PACS1: variants seen among roughly 807,000 people sequenced by gnomAD.
PACS1 encodes PACS-1.
A neutral mutation model predicts 115.0 loss-of-function variants in PACS1; 24 were observed. The ratio of observed to expected loss-of-function variants is 0.21; its 90% CI spans 0.15 to 0.29. PACS1 has a LOEUF of 0.29. Ranked by LOEUF, PACS1 falls within the 10% of genes least tolerant of loss-of-function variation. PACS1 has a pLI of 1.00. For synonymous variants in PACS1, 453 were observed against 504.5 expected, an observed-to-expected ratio of 0.90 and a Z score of 1.37; for missense variants, 838 against 1,251.2, an observed-to-expected ratio of 0.67 and a Z score of 4.98.
At chr11:66,200,975 C>G (rs1186014321) in intron 2 of PACS1, among the ~76,000 whole-genome samples, 2 of 151,402 alleles carry the variant, frequency 1.3e-5, no homozygotes, top group Non-Finnish European at 2.9e-5. Flanking sequence ...AATCCCAGCA[C>G]TTTGGGAGGC....
In PACS1 at chr11:66,100,525, G is replaced by A. The variant is rs367894905; in HGVS notation, c.356+29683G>A. Among the ~76,000 whole-genome samples, 321 of 152,286 alleles carry A rather than the reference G, an allele frequency of 2.1e-3. 2 individuals carry two copies. Among genetic ancestry groups the A allele is most frequent in the South Asian group, 0.02 (98 of 4,826 alleles). On this transcript the variant is annotated intron_variant, in intron 1 of 23. Coordinates refer to ENST00000320580, the MANE Select transcript of PACS1 (RefSeq NM_018026.4). ...TCATAAGACAATAGAGGTGGAAAGC[G>A]AGAAGCCGATTTACTCTGCAAAATC... is the stretch of plus-strand genomic sequence containing the variant.
intron 1 of PACS1, among the ~76,000 whole-genome samples, chr11:66,186,748 C>T (rs930232663): frequency 1.3e-5 from 2 of 152,162 alleles, no homozygotes; most frequent in African/African-American, 4.8e-5. Context: ...GACTCTACAG[C>T]CTTCATTCAG....
intron 1 of PACS1, among the ~76,000 whole-genome samples, chr11:66,155,899 C>T (rs1859340609): frequency 6.6e-6 from 1 of 151,930 alleles, no homozygotes; most frequent in Non-Finnish European, 1.5e-5. Context: ...AAAAGGAGCT[C>T]TAGACAGCAT....
chr11:66,211,003 T>C, intron 3 of PACS1, 131 bp from the exon 4 acceptor site: 1 of 1,062,154 alleles, frequency 9.4e-7, no homozygotes, highest in Non-Finnish European at 1.4e-6. Context: ...TTCATGGCTC[T>C]CCTTTCAACC....
intron 1 of PACS1, among the ~76,000 whole-genome samples, chr11:66,108,115 A>G (rs988234469): frequency 2.6e-5 from 4 of 152,250 alleles, no homozygotes; most frequent in Non-Finnish European, 5.9e-5. Flanking sequence ...ATAACAAAAT[A>G]CCATAGAATG....
Position 66,233,204 on chromosome 11 carries a change from G to C in PACS1, c.1838+138G>C, listed in dbSNP as rs991622460. 1.1e-5 allele frequency: 7 copies of C among 633,166 alleles called. No homozygotes were observed. Among genetic ancestry groups the C allele is most frequent in the Non-Finnish European group, 1.9e-5 (7 of 365,744 alleles). The allele number at this position is 633,166 out of a possible 1,614,324, so 39.2% of individuals were successfully genotyped here. ...TGCAGAGGGGCGTATGTTTAGGGGG[G>C]TGGCGGCAGCAGGCTGTAGGGCTTG... On this transcript the variant is annotated intron_variant, in intron 15 of 23. Transcript: ENST00000320580. The surrounding 1 kb of genome is among the most constrained non-coding windows in gnomAD (Gnocchi z 4.5).
rs35095945 is a variant in PACS1 at position 66,196,384 on chromosome 11, G to A, written c.444+2811G>A. On this transcript the variant is annotated intron_variant, in intron 2 of 23. Coordinates refer to ENST00000320580, the MANE Select transcript of PACS1 (RefSeq NM_018026.4). ...GCACTTCTGCCTTGCAGCAAAGTTC[G>A]ATGTCTGTCTCTAAGACTAGAGCCT... 2.8e-3 allele frequency among the ~76,000 whole-genome samples: 431 copies of A among 152,316 alleles called. 3 individuals are homozygous for A. The highest frequency in any genetic ancestry group is 4.5e-3 in the Admixed American group (69 of 15,294).
chr11:66,193,585 A>C lies in PACS1; in HGVS notation c.444+12A>C. The C allele has an allele frequency of 6.2e-7, 1 of 1,600,240 alleles. No homozygotes were observed. The highest frequency in any genetic ancestry group is 1.1e-5 in the South Asian group (1 of 90,726). On this transcript the variant is annotated intron_variant, in intron 2 of 23. Transcript: ENST00000320580. The stretch of plus-strand genomic sequence containing the variant: ...CTGTGAAGCTGCAGGTGAGTGGGGC[A>C]GGACTGTTTGTTCAGGGCCCAGGGA...
chr11:66,211,051 A>C lies in PACS1; in HGVS notation c.535-83A>C, dbSNP rs113381095. ...TTTTAGAGACAGGAAGAATTGAAGCACAGAAAGACTGTGTGTCCTCCAGAA... is the reference window on the plus strand; with the variant it reads ...TTTTAGAGACAGGAAGAATTGAAGCCCAGAAAGACTGTGTGTCCTCCAGAA... On this transcript the variant is annotated intron_variant, in intron 3 of 23. Transcript: ENST00000320580. The C allele has an allele frequency of 1.2e-4, 180 of 1,484,586 alleles. 3 individuals are homozygous for C. The African/African-American group carries it at 2.1e-3, about 17-fold the overall frequency. The allele number at this position is 1,484,586 out of a possible 1,614,324, so 92.0% of individuals were successfully genotyped here. A position where few individuals can be genotyped will look rare whatever the true frequency, so the allele number is the denominator to read the frequency against.
intron 1 of PACS1, among the ~76,000 whole-genome samples, chr11:66,167,333 C>CTTT (rs762768413): frequency 0.018 from 1,859 of 101,010 alleles, 235 homozygotes; most frequent in African/African-American, 0.066. Flanking sequence ...TTTGGCTTGT[C>CTTT]TTTTTTTTTT....
intron 4 of PACS1, among the ~76,000 whole-genome samples, chr11:66,213,758 G>A (rs1855133316): frequency 1.3e-5 from 2 of 152,228 alleles, no homozygotes; most frequent in Admixed American, 6.5e-5. Flanking sequence ...TGTGGGCTGG[G>A]CGCAGTGGCT....
chr11:66,205,683 G>A lies in PACS1; in HGVS notation c.445-4679G>A, dbSNP rs548017378. Reference sequence around the variant, plus strand: ...ATTTTTTTTTTTTTTTTTTGAGAATGGGATCTCACTATGTTGCCCAGGCAG... The same window carrying A: ...ATTTTTTTTTTTTTTTTTTGAGAATAGGATCTCACTATGTTGCCCAGGCAG... On this transcript the variant is annotated intron_variant, in intron 2 of 23. Transcript: ENST00000320580. Among the ~76,000 whole-genome samples the A allele has an allele frequency of 1.3e-4, 18 of 136,476 alleles. No homozygotes were observed. The East Asian group carries it at 3.8e-3, about 29-fold the overall frequency. 89.5% of individuals were successfully genotyped at this position (136,476 alleles called of 152,430 possible).
chr11:66,222,397 C>T lies in PACS1; in HGVS notation c.1293+1150C>T, dbSNP rs181731630. On this transcript the variant is annotated intron_variant, in intron 10 of 23. Transcript: ENST00000320580. Reference sequence around the variant, plus strand: ...AAAAGGGGGCATGTACTGTAGCAGCCGGAGCCACGACCTGGGCCTTGCTCC... The same window carrying T: ...AAAAGGGGGCATGTACTGTAGCAGCTGGAGCCACGACCTGGGCCTTGCTCC... Among the ~76,000 whole-genome samples the T allele has an allele frequency of 2.2e-3, 331 of 152,202 alleles. 1 individual carries two copies. Among genetic ancestry groups the T allele is most frequent in the Admixed American group, 6.1e-3 (94 of 15,292 alleles).
intron 1 of PACS1, among the ~76,000 whole-genome samples, chr11:66,163,115 G>A (rs766138479): frequency 3.9e-5 from 6 of 152,088 alleles, no homozygotes; most frequent in African/African-American, 1.4e-4. Flanking sequence ...TTGGGAGACC[G>A]AGGTGGTTGG....
At chr11:66,071,264 C>A (rs572104175) in intron 1 of PACS1, among the ~76,000 whole-genome samples, 2 of 152,226 alleles carry the variant, frequency 1.3e-5, no homozygotes. Flanking sequence ...TCGATTGTCA[C>A]CTCTTGCAGG....
intron 1 of PACS1, chr11:66,100,642 A>G (rs1448669669): frequency 2.0e-5 from 7 of 353,698 alleles, no homozygotes; most frequent in Non-Finnish European, 4.0e-5. Context: ...TTTTGCATAC[A>G]AACTGCACTT....
intron 21 of PACS1, among the ~76,000 whole-genome samples, chr11:66,240,435 C>T (rs556292935): frequency 6.6e-6 from 1 of 152,302 alleles, no homozygotes; most frequent in African/African-American, 2.4e-5. Context: ...CGCCTCTTCC[C>T]TTTCCTTGTA....
At chr11:66,183,180 A>G (rs1483615072) in intron 1 of PACS1, among the ~76,000 whole-genome samples, 1 of 152,194 alleles carries the variant, frequency 6.6e-6, no homozygotes, top group Non-Finnish European at 1.5e-5. Flanking sequence ...TTGTTTCACA[A>G]TCAAAATTAT....
chr11:66,079,321 T>TTTA (rs58637732), intron 1 of PACS1, among the ~76,000 whole-genome samples: 1 of 146,572 alleles, frequency 6.8e-6, no homozygotes, highest in East Asian at 2.0e-4. Context: ...TTTTTTTTTT[T>TTTA]AATAGTTTAT....
Sources: allele counts gnomAD v4.1 joint callset (sites outside exome capture counted in the v4.1 genomes callset), GRCh38; gene constraint gnomAD v4.1.1; non-coding constraint Gnocchi (gnomAD v3.1); transcripts MANE v1.5; gene names NCBI Gene and HGNC (gene_info 2026-07-23, HGNC 2026-07-21).